The following MTG2 variants were observed in gnomAD, a reference collection of about 807,000 sequenced individuals.
MTG2 encodes mitochondrial ribosome-associated GTPase 2.
A neutral mutation model predicts 28.6 loss-of-function variants in MTG2; 23 were observed. That is an observed-to-expected ratio of 0.80 (90% CI 0.58 to 1.14). The LOEUF is 1.14. Ranked by LOEUF, MTG2 falls within the 50% of genes most tolerant of loss-of-function variation. The pLI is 0.00. For synonymous variants in MTG2, 260 were observed against 251.8 expected (o/e 1.03, Z -0.31); for missense variants, 539 against 552.0 (o/e 0.98, Z 0.24).
chr20:62,190,797 G>A (rs550018919), intron 1 of MTG2, among the ~76,000 whole-genome samples: 29 of 152,342 alleles, frequency 1.9e-4, no homozygotes, highest in African/African-American at 6.0e-4. Flanking sequence ...GAGGAAGTCC[G>A]CAGGGATGCC....
Position 62,202,901 on chromosome 20 carries a change from T to C in MTG2, c.*1824T>C, listed in dbSNP as rs2058198106. On this transcript the variant is annotated 3_prime_UTR_variant, in exon 7 of 7. Transcript: ENST00000370823. ...CTCTGCACGCTGGGGTGGGGCGCGC[T>C]TTGCACAGCAGGCCGGTGCCTGGGC... is the stretch of plus-strand genomic sequence containing the variant. 1.3e-5 allele frequency: 2 copies of C among 152,232 alleles called. No individual in the cohort carries two copies. The highest frequency in any genetic ancestry group is 1.5e-5 in the Non-Finnish European group (1 of 68,054). 9.4% of individuals were successfully genotyped at this position (152,232 alleles called of 1,614,324 possible). A position where few individuals can be genotyped will look rare whatever the true frequency, so the allele number is the denominator to read the frequency against.
intron 4 of MTG2, chr20:62,198,406 C>T (rs951978487): frequency 5.1e-6 from 3 of 592,176 alleles, no homozygotes; most frequent in Non-Finnish European, 6.0e-6. Context: ...TTTGAAAAAG[C>T]CCTTTGTGCA....
chr20:62,200,640 G>C (rs77123458), intron 6 of MTG2, 43 bp from the exon 7 acceptor site: 29 of 1,541,210 alleles, frequency 1.9e-5, no homozygotes, highest in Non-Finnish European at 2.4e-5. Flanking sequence ...TGGGTGCTGG[G>C]TGTGCCAAGT....
Position 62,201,351 on chromosome 20 carries a change from T to TG in MTG2, c.*278dup. On this transcript the variant is annotated 3_prime_UTR_variant, in exon 7 of 7. Coordinates refer to ENST00000370823, the MANE Select transcript of MTG2 (RefSeq NM_015666.4). ...CTGATTAACACCCCTAATAAGGGGT[T>TG]GGGGTGCCCATAACGGGGTGGCCCT... is the stretch of plus-strand genomic sequence containing the variant. 1 of 480,788 alleles carries TG rather than the reference T, an allele frequency of 2.1e-6. No individual in the cohort carries two copies. Among genetic ancestry groups the TG allele is most frequent in the Non-Finnish European group, 3.7e-6 (1 of 269,566 alleles). 29.8% of individuals were successfully genotyped at this position (480,788 alleles called of 1,614,324 possible).
intron 1 of MTG2, among the ~76,000 whole-genome samples, chr20:62,187,106 G>A (rs960690696): frequency 6.6e-6 from 1 of 152,204 alleles, no homozygotes; most frequent in Non-Finnish European, 1.5e-5. Context: ...TCCTCCTCAT[G>A]AGTGGGTGTT....
chr20:62,183,487 C>T (rs1347140825), intron 1 of MTG2, among the ~76,000 whole-genome samples: 1 of 152,244 alleles, frequency 6.6e-6, no homozygotes, highest in Non-Finnish European at 1.5e-5. Flanking sequence ...CACAAAACAA[C>T]ATAAATATAT....
chr20:62,184,101 G>A (rs1247549338), intron 1 of MTG2, among the ~76,000 whole-genome samples: 1 of 152,260 alleles, frequency 6.6e-6, no homozygotes, highest in African/African-American at 2.4e-5. Flanking sequence ...GCTCACGCCT[G>A]TAATCCCAGA....
rs1328498465 is a variant in MTG2, at chr20:62,203,410, G to C, written c.*2333G>C. ...CAGCTTTTGCCATCGCGTTCTAAAA[G>C]CTGACAGCTTTCTCTCCAACACTGT... On this transcript the variant is annotated 3_prime_UTR_variant, in exon 7 of 7. Transcript: ENST00000370823. The C allele has an allele frequency of 6.6e-6, 1 of 152,238 alleles. No individual in the cohort carries two copies. The highest frequency in any genetic ancestry group is 1.5e-5 in the Non-Finnish European group (1 of 68,044). The allele number at this position is 152,238 out of a possible 1,614,324, so 9.4% of individuals were successfully genotyped here. A position where few individuals can be genotyped will look rare whatever the true frequency, so the allele number is the denominator to read the frequency against.
intron 1 of MTG2, among the ~76,000 whole-genome samples, chr20:62,184,989 A>G (rs1396490978): frequency 1.3e-5 from 2 of 151,912 alleles, no homozygotes; most frequent in African/African-American, 2.4e-5. Context: ...GGGTGCATGT[A>G]ATCCCAGGTA....
intron 1 of MTG2, among the ~76,000 whole-genome samples, chr20:62,189,853 C>T (rs1213995887): frequency 8.6e-5 from 13 of 151,996 alleles, no homozygotes; most frequent in Admixed American, 7.2e-4. Flanking sequence ...TTAGTAGAGA[C>T]GGGGTTTCAC....
At chr20:62,186,461 GA>G (rs1278883220) in intron 1 of MTG2, among the ~76,000 whole-genome samples, 2 of 150,336 alleles carry the variant, frequency 1.3e-5, no homozygotes, top group African/African-American at 4.9e-5. Flanking sequence ...GAATACAACT[GA>G]TTTTTTTATA....
chr20:62,189,955 G>A (rs780017038), intron 1 of MTG2, among the ~76,000 whole-genome samples: 7 of 152,190 alleles, frequency 4.6e-5, no homozygotes, highest in Non-Finnish European at 4.4e-5. Flanking sequence ...GAGCCACCGC[G>A]CCCAGCCAAC....
chr20:62,186,771 C>T (rs1196152449), intron 1 of MTG2, among the ~76,000 whole-genome samples: 1 of 152,012 alleles, frequency 6.6e-6, no homozygotes, highest in South Asian at 2.1e-4. Context: ...TCAAATGATC[C>T]GCCCACCTCG....
Position 62,198,762 on chromosome 20 carries a change from C to A in MTG2, c.597C>A (p.Asn199Lys), listed in dbSNP as rs200582794. 1.2e-6 allele frequency: 2 copies of A among 1,614,056 alleles called. No individual in the cohort carries two copies. The highest frequency in any genetic ancestry group is 1.3e-5 in the African/African-American group (1 of 74,956). ...GCAACCGCTTCTTCCTGGCCAACAA[C>A]AACCGTGCCCCTGTGACCTGTACCC... is the stretch of plus-strand genomic sequence containing the variant. The part of the protein sequence containing the change: ...GKGNRFFLAN[N>K]NRAPVTCTPG... The change falls in exon 5 of 7, where the codon AAC (asparagine) becomes AAA (lysine). Residue 199 changes from asparagine to lysine, a missense_variant. Asn to Lys is a moderately conservative substitution (Grantham distance 94). Transcript: ENST00000370823.
At chr20:62,200,627 T>A in intron 6 of MTG2, 56 bp from the exon 7 acceptor site, 3 of 1,519,694 alleles carry the variant, frequency 2.0e-6, no homozygotes, top group Non-Finnish European at 2.6e-6. Context: ...TGGAAGGCGC[T>A]CTTGGGTGCT....
Position 62,183,065 on chromosome 20 carries a change from C to CGGGAGCGGGGAGCGGGGAGCGGGGAGCG in MTG2, c.-6+29_-6+30insGGGAGCGGGGAGCGGGGAGCGGGGAGCG, listed in dbSNP as rs3078870. ...ACGTGCTTTCCCGAGCCGGTGAGTG[C>CGGGAGCGGGGAGCGGGGAGCGGGGAGCG]GGGAGCGGGGAGCGGGGAGCGTGGG... On this transcript the variant is annotated intron_variant, in intron 1 of 6. Coordinates refer to ENST00000370823, the MANE Select transcript of MTG2 (RefSeq NM_015666.4). 2.4e-3 allele frequency: 370 copies of CGGGAGCGGGGAGCGGGGAGCGGGGAGCG among 151,954 alleles called. 2 individuals are homozygous for CGGGAGCGGGGAGCGGGGAGCGGGGAGCG. The highest frequency in any genetic ancestry group is 7.5e-3 in the African/African-American group (309 of 41,194). 9.4% of individuals were successfully genotyped at this position (151,954 alleles called of 1,614,324 possible). A position where few individuals can be genotyped will look rare whatever the true frequency, so the allele number is the denominator to read the frequency against.
intron 1 of MTG2, among the ~76,000 whole-genome samples, chr20:62,186,937 T>C (rs1055275926): frequency 6.6e-5 from 10 of 152,348 alleles, no homozygotes; most frequent in Non-Finnish European, 5.9e-5. Flanking sequence ...CATTGTTGCA[T>C]AGCAGTGGTA....
intron 2 of MTG2, chr20:62,193,906 A>G: frequency 7.7e-6 from 3 of 391,198 alleles, no homozygotes; most frequent in Non-Finnish European, 1.4e-5. Flanking sequence ...CATGTATGTT[A>G]CATATATCCT....
intron 1 of MTG2, among the ~76,000 whole-genome samples, chr20:62,184,332 T>C (rs1365220770): frequency 6.6e-6 from 1 of 151,592 alleles, no homozygotes; most frequent in African/African-American, 2.4e-5. Context: ...TGCTCCAGCC[T>C]AGGCAACAGA....
Sources: allele counts gnomAD v4.1 joint callset (sites outside exome capture counted in the v4.1 genomes callset), GRCh38; gene constraint gnomAD v4.1.1; transcripts MANE v1.5; gene names NCBI Gene and HGNC (gene_info 2026-07-23, HGNC 2026-07-21).